DYRK1A: variants seen among roughly 807,000 people sequenced by gnomAD.
DYRK1A encodes dual specificity tyrosine-phosphorylation-regulated kinase 1A.
A neutral mutation model predicts 79.7 loss-of-function variants in DYRK1A; 9 were observed. The observed-to-expected ratio is 0.11, with a 90% CI of 0.07 to 0.20. The LOEUF is 0.20. Ranked by LOEUF, DYRK1A falls within the 10% of genes least tolerant of loss-of-function variation. DYRK1A has a pLI of 1.00. For synonymous variants in DYRK1A, 349 were observed against 329.7 expected (o/e 1.06, Z -0.63); for missense variants, 622 against 956.0 (o/e 0.65, Z 4.61).
chr21:37,379,074 AGT>A (rs2049605659), intron 1 of DYRK1A, among the ~76,000 whole-genome samples: 3 of 151,916 alleles, frequency 2.0e-5, no homozygotes, highest in Non-Finnish European at 4.4e-5. Flanking sequence ...AGGGAGGGAG[AGT>A]GAGTTTGGTA....
intron 1 of DYRK1A, among the ~76,000 whole-genome samples, chr21:37,377,427 T>G (rs372296646): frequency 6.6e-6 from 1 of 152,060 alleles, no homozygotes. Flanking sequence ...CATTTTTTTT[T>G]ACTTGACCTA....
At chr21:37,495,356 T>A (rs1303102596) in intron 8 of DYRK1A, among the ~76,000 whole-genome samples, 1 of 151,874 alleles carries the variant, frequency 6.6e-6, no homozygotes, top group African/African-American at 2.4e-5. Flanking sequence ...CAAAAACTTT[T>A]AAAAATTAGC....
chr21:37,388,056 C>T (rs1036374945), intron 1 of DYRK1A, among the ~76,000 whole-genome samples: 3 of 151,418 alleles, frequency 2.0e-5, no homozygotes, highest in Non-Finnish European at 4.4e-5. Context: ...CCTTCATGAC[C>T]TCCTTATAAA....
chr21:37,393,306 A>G (rs1196328747), intron 1 of DYRK1A, among the ~76,000 whole-genome samples: 1 of 152,198 alleles, frequency 6.6e-6, no homozygotes, highest in Non-Finnish European at 1.5e-5. Context: ...TAAGGGTACA[A>G]GTAGTTTCAG....
chr21:37,475,532 C>T (rs1215677805), intron 3 of DYRK1A, among the ~76,000 whole-genome samples: 2 of 152,188 alleles, frequency 1.3e-5, no homozygotes, highest in Admixed American at 1.3e-4. Flanking sequence ...AATATGAAAT[C>T]ACAATGAAAG....
intron 1 of DYRK1A, among the ~76,000 whole-genome samples, chr21:37,392,882 C>T (rs2049897132): frequency 1.3e-5 from 2 of 152,198 alleles, no homozygotes; most frequent in South Asian, 4.1e-4. Context: ...TCCAAGATGG[C>T]GTTTCAAACG....
chr21:37,377,884 C>T (rs933506652), intron 1 of DYRK1A, among the ~76,000 whole-genome samples: 3 of 152,148 alleles, frequency 2.0e-5, no homozygotes, highest in Non-Finnish European at 4.4e-5. Context: ...TACTTCCTTG[C>T]ATGTATAGTT....
intron 1 of DYRK1A, among the ~76,000 whole-genome samples, chr21:37,404,590 G>A (rs1029770942): frequency 5.3e-5 from 8 of 152,132 alleles, no homozygotes; most frequent in Non-Finnish European, 1.5e-5. Context: ...ATCTCAGCAT[G>A]CCCGCCATGC....
At chr21:37,499,641 C>T (rs539896578) in intron 9 of DYRK1A, among the ~76,000 whole-genome samples, 1 of 150,876 alleles carries the variant, frequency 6.6e-6, no homozygotes, top group African/African-American at 2.5e-5. Context: ...ATATTTTGTT[C>T]ACTTTATTCC....
chr21:37,493,933 C>CTTTTTTTT (rs35158368), intron 8 of DYRK1A, among the ~76,000 whole-genome samples: 4 of 114,224 alleles, frequency 3.5e-5, no homozygotes, highest in African/African-American at 9.8e-5. Flanking sequence ...TTTAATTCTT[C>CTTTTTTTT]TTTTTTTTTT....
Position 37,525,306 on chromosome 21 carries a change from T to C in DYRK1A, c.*12775T>C, listed in dbSNP as rs1406059411. ...ATGGTTGGGGAGGCCTCACAATCGT[T>C]GTGGAAGGTAAAGGAGAAGCCAAGG... On this transcript the variant is annotated 3_prime_UTR_variant, in exon 12 of 12. Transcript: ENST00000647188. 1 of 152,228 alleles carries C rather than the reference T, an allele frequency of 6.6e-6. No individual in the cohort carries two copies. Among genetic ancestry groups the C allele is most frequent in the Non-Finnish European group, 1.5e-5 (1 of 68,062 alleles). The allele number at this position is 152,228 out of a possible 1,614,324, so 9.4% of individuals were successfully genotyped here. A position where few individuals can be genotyped will look rare whatever the true frequency, so the allele number is the denominator to read the frequency against.
In DYRK1A at chr21:37,519,299, G is replaced by C. The variant is rs145979957; in HGVS notation, c.*6768G>C. ...CAGTTTCCCTCTCTAGAATCCCAAAGAGGTTCAGATCCCACTGCTCCTCTC... is the reference window on the plus strand; with the variant it reads ...CAGTTTCCCTCTCTAGAATCCCAAACAGGTTCAGATCCCACTGCTCCTCTC... On this transcript the variant is annotated 3_prime_UTR_variant, in exon 12 of 12. Transcript: ENST00000647188. 1 of 152,234 alleles carries C rather than the reference G, an allele frequency of 6.6e-6. No homozygotes were observed. Among genetic ancestry groups the C allele is most frequent in the African/African-American group, 2.4e-5 (1 of 41,444 alleles). The allele number at this position is 152,234 out of a possible 1,614,324, so 9.4% of individuals were successfully genotyped here.
intron 1 of DYRK1A, among the ~76,000 whole-genome samples, chr21:37,375,960 CT>C (rs1193701600): frequency 6.6e-6 from 1 of 152,034 alleles, no homozygotes; most frequent in Non-Finnish European, 1.5e-5. Context: ...CCAAGCCCCC[CT>C]CTTCCTATAC....
intron 1 of DYRK1A, among the ~76,000 whole-genome samples, chr21:37,372,924 C>T (rs1340955571): frequency 6.6e-6 from 1 of 152,074 alleles, no homozygotes; most frequent in Non-Finnish European, 1.5e-5. Context: ...TATGATTATT[C>T]ATATATGTTC....
intron 2 of DYRK1A, among the ~76,000 whole-genome samples, chr21:37,452,658 A>C (rs910609553): frequency 1.5e-4 from 23 of 151,730 alleles, no homozygotes; most frequent in African/African-American, 5.6e-4. Context: ...TGGGGAGGGG[A>C]AGGGAAGGGG....
chr21:37,367,376 C>G lies in DYRK1A; in HGVS notation c.-329C>G, dbSNP rs1011191445. Reference sequence around the variant, plus strand: ...CGGGCCGGCCGTGCGGCCCCGCCGCCTGGAATCGGGGCCCGGGGACTGCGG... The same window carrying G: ...CGGGCCGGCCGTGCGGCCCCGCCGCGTGGAATCGGGGCCCGGGGACTGCGG... On this transcript the variant is annotated 5_prime_UTR_variant, in exon 1 of 12. Transcript: ENST00000647188. The G allele has an allele frequency of 6.7e-6, 1 of 149,088 alleles. No individual in the cohort carries two copies. The highest frequency in any genetic ancestry group is 1.5e-5 in the Non-Finnish European group (1 of 66,844). The allele number at this position is 149,088 out of a possible 1,614,324, so 9.2% of individuals were successfully genotyped here.
chr21:37,371,266 GTTCATATTGGGTAATTGAAGAAAGA>G (rs1488754989), intron 1 of DYRK1A, among the ~76,000 whole-genome samples: 9 of 152,138 alleles, frequency 5.9e-5, no homozygotes, highest in African/African-American at 2.2e-4. Flanking sequence ...TTGAAGGTTC[GTTCATATTGGGTAATTGAAGAAAGA>G]TCTTATTTGT....
At chr21:37,377,893 T>A (rs1203795314) in intron 1 of DYRK1A, among the ~76,000 whole-genome samples, 1 of 152,046 alleles carries the variant, frequency 6.6e-6, no homozygotes, top group Non-Finnish European at 1.5e-5. Flanking sequence ...GCATGTATAG[T>A]TGTGTTCTGT....
Position 37,486,630 on chromosome 21 carries a change from A to C in DYRK1A, c.637+16A>C. The C allele has an allele frequency of 6.6e-7, 1 of 1,525,574 alleles. No homozygotes were observed. The highest frequency in any genetic ancestry group is 8.8e-7 in the Non-Finnish European group (1 of 1,135,910). 94.5% of individuals were successfully genotyped at this position (1,525,574 alleles called of 1,614,324 possible). ...TACTACATAGGTAAACAAACAGGCAAACAGCGCAGTGTGCCCCAACCCACA... is the reference window on the plus strand; with the variant it reads ...TACTACATAGGTAAACAAACAGGCACACAGCGCAGTGTGCCCCAACCCACA... On this transcript the variant is annotated intron_variant, in intron 6 of 11. Transcript: ENST00000647188.
Sources: gnomAD v4.1 joint callset for allele counts (sites outside exome capture counted in the v4.1 genomes callset) on GRCh38, gnomAD v4.1.1 for gene constraint, MANE v1.5 for transcripts, NCBI Gene and HGNC (gene_info 2026-07-23, HGNC 2026-07-21) for gene names.